The following RFX5 variants were observed in gnomAD, a reference collection of about 807,000 sequenced individuals.
RFX5 encodes DNA-binding protein RFX5.
A neutral mutation model predicts 41.2 loss-of-function variants in RFX5; 30 were observed. That is an observed-to-expected ratio of 0.73 (90% confidence interval 0.54 to 0.99). RFX5 has a LOEUF of 0.99. Among genes scored for constraint, RFX5 ranks in the 50% least tolerant of loss-of-function variants. RFX5 has a pLI of 0.00. For missense variants in RFX5, 715 were observed against 773.6 expected (o/e 0.92, Z 0.90); for synonymous variants, 231 against 291.8 (o/e 0.79, Z 2.12).
chr1:151,347,061 C>T (rs1013584857), intron 1 of RFX5, 150 bp downstream of exon 1: 1 of 152,640 alleles, frequency 6.6e-6, no homozygotes, highest in African/African-American at 2.4e-5. Flanking sequence ...GTCCCAGATT[C>T]CGGGCACGTG....
At position 151,342,279 on chromosome 1, in the gene RFX5, G is replaced by C; in HGVS notation, c.1758C>G (p.Asp586Glu). The change falls in exon 11 of 11, where the codon GAC becomes GAG. Residue 586 changes from aspartate to glutamate, a missense_variant. Transcript: ENST00000452671. Reference protein sequence around the residue: ...EAFPLAKGEVDTAPQGNKDLK... With the variant: ...EAFPLAKGEVETAPQGNKDLK... ...AGTCTTTATTACCCTGTGGTGCAGT[G>C]TCTACCTCTCCCTTTGCCAAAGGAA... The C allele has an allele frequency of 6.2e-7, 1 of 1,614,150 alleles. No homozygotes were observed. The highest frequency in any genetic ancestry group is 8.5e-7 in the Non-Finnish European group (1 of 1,180,014).
rs752256174 is a variant in RFX5 at position 151,344,454 on chromosome 1, T to G, written c.436A>C (p.Ile146Leu). The stretch of plus-strand genomic sequence containing the variant: ...CGGCCACCAAGCCTTCGAGCTTTGA[T>G]GTCAGGGAAGATCTCTCTGATGATC... ...GKIIREIFPD[I>L]KARRLGGRGQ... The change falls in exon 7 of 11, where the codon ATC (isoleucine) becomes CTC (leucine). Residue 146 changes from isoleucine to leucine, a missense_variant. Ile to Leu is a conservative substitution (Grantham distance 5). Transcript: ENST00000452671. The G allele has an allele frequency of 3.7e-6, 6 of 1,614,210 alleles. No individual in the cohort carries two copies. The Admixed American group carries it at 1.0e-4, about 27-fold the overall frequency.
chr1:151,343,933 GC>G, intron 8 of RFX5, 51 bp from the exon 9 acceptor site: 1 of 1,584,306 alleles, frequency 6.3e-7, no homozygotes, highest in Non-Finnish European at 8.6e-7. Context: ...AAGAACCCTT[GC>G]CTCCTCTCTT....
At position 151,346,167 on chromosome 1, in the gene RFX5, G is replaced by A. The variant is rs1651035559; in HGVS notation, c.116+38C>T. ...GAAGTGCTGCAGGGATCTATACTCAGGTCTTGGACAGGACTTGGAGATGTG... is the reference window on the plus strand; with the variant it reads ...GAAGTGCTGCAGGGATCTATACTCAAGTCTTGGACAGGACTTGGAGATGTG... On this transcript the variant is annotated intron_variant, in intron 3 of 10. Transcript: ENST00000452671. The A allele has an allele frequency of 4.4e-6, 7 of 1,593,490 alleles. No homozygotes were observed. The African/African-American group carries it at 6.7e-5, about 15-fold the overall frequency.
chr1:151,345,389 C>A, intron 4 of RFX5: 1 of 504,182 alleles, frequency 2.0e-6, no homozygotes, highest in African/African-American at 1.9e-5. Context: ...GCAGGCTGAT[C>A]ACAAGGTCAG....
rs761293825 is a variant in RFX5 at position 151,342,897 on chromosome 1, G to A, written c.1140C>T (p.Ile380=). 6.2e-7 allele frequency: 1 copy of A among 1,614,220 alleles called. No individual in the cohort carries two copies. The highest frequency in any genetic ancestry group is 1.3e-5 in the African/African-American group (1 of 75,064). The part of the protein sequence containing the change: ...RAGAPPAAVP[I]INMILPTVPA... The stretch of plus-strand genomic sequence containing the variant: ...GAACAGTTGGTAAGATCATGTTAAT[G>A]ATGGGCACAGCTGCTGGGGGTGCCC... Residue 380 remains isoleucine, a synonymous_variant, in exon 11 of 11, where the codon ATC becomes ATT. Coordinates refer to ENST00000452671, the MANE Select transcript of RFX5 (RefSeq NM_001025603.2).
chr1:151,346,031 G>T, intron 3 of RFX5, 70 bp from the exon 4 acceptor site: 1 of 1,610,940 alleles, frequency 6.2e-7, no homozygotes, highest in Non-Finnish European at 8.5e-7. Flanking sequence ...GACTGCTAGG[G>T]AGGGAAAAGG....
At position 151,343,012 on chromosome 1, in the gene RFX5, G is replaced by A; in HGVS notation, c.1025C>T (p.Pro342Leu). 2 of 1,613,832 alleles carry A rather than the reference G, an allele frequency of 1.2e-6. No homozygotes were observed. The highest frequency in any genetic ancestry group is 1.7e-6 in the Non-Finnish European group (2 of 1,179,836). ...LLPRAPRSLIPPIPVSPPILA... is the reference protein window; with the variant it reads ...LLPRAPRSLILPIPVSPPILA... The stretch of plus-strand genomic sequence containing the variant: ...AATAGGTGGAGAGACTGGGATTGGC[G>A]GAATTAGTGAGCGAGGGGCCCGGGG... Residue 342 changes from proline to leucine, a missense_variant, in exon 11 of 11, where the codon CCG becomes CTG. By Grantham distance (98) the Pro-to-Leu change is moderately conservative. Transcript: ENST00000452671.
intron 1 of RFX5, 80 bp from the exon 2 acceptor site, chr1:151,346,686 T>A: frequency 3.8e-6 from 1 of 264,404 alleles, no homozygotes; most frequent in South Asian, 4.1e-5. Flanking sequence ...CATACTGCCC[T>A]CCTCCCCCTC....
At chr1:151,345,662 G>A (rs1187582417) in intron 4 of RFX5, among the ~76,000 whole-genome samples, 1 of 151,864 alleles carries the variant, frequency 6.6e-6, no homozygotes, top group Non-Finnish European at 1.5e-5. Context: ...GTGCTCTGAG[G>A]AGCCCTATAG....
At position 151,343,956 on chromosome 1, in the gene RFX5, A is replaced by G. The variant is rs1650760326; in HGVS notation, c.556-74T>C. On this transcript the variant is annotated intron_variant, in intron 8 of 10. Coordinates refer to ENST00000452671, the MANE Select transcript of RFX5 (RefSeq NM_001025603.2). ...TTGCCTCCTCTCTTGTCAGAGATCA[A>G]AGACTATTGACCAAAGCTGAGACCA... 4 of 1,520,286 alleles carry G rather than the reference A, an allele frequency of 2.6e-6. No individual in the cohort carries two copies. The East Asian group carries it at 6.9e-5, about 26-fold the overall frequency. 94.2% of individuals were successfully genotyped at this position (1,520,286 alleles called of 1,614,324 possible).
At position 151,342,710 on chromosome 1, in the gene RFX5, C is replaced by T. The variant is rs1180067492; in HGVS notation, c.1327G>A (p.Gly443Arg). The change falls in exon 11 of 11, where the codon GGG (glycine) becomes AGG (arginine). Residue 443 changes from glycine to arginine, a missense_variant. Coordinates refer to ENST00000452671, the MANE Select transcript of RFX5 (RefSeq NM_001025603.2). ...TAEVPVSEAS[G>R]QAPPAKAAKQ... is the part of the protein sequence containing the mutation. ...GCTGCTTTAGCTGGTGGAGCCTGCC[C>T]ACTGGCCTCACTCACAGGTACTTCA... The T allele has an allele frequency of 6.2e-7, 1 of 1,614,228 alleles. No homozygotes were observed. The highest frequency in any genetic ancestry group is 1.7e-5 in the Admixed American group (1 of 60,020).
At position 151,343,046 on chromosome 1, in the gene RFX5, G is replaced by A; in HGVS notation, c.991C>T (p.Leu331=). The A allele has an allele frequency of 6.2e-7, 1 of 1,612,742 alleles. No homozygotes were observed. The highest frequency in any genetic ancestry group is 2.2e-5 in the East Asian group (1 of 44,888). ...GAGCGAGGGGCCCGGGGAAGGAGCA[G>A]AGGCAGCCGAGCCACTAGGGCATTA... ...QVNALVARLP[L]LLPRAPRSLI... Residue 331 remains leucine, a synonymous_variant, in exon 11 of 11, where the codon CTG becomes TTG. Transcript: ENST00000452671.
In RFX5 at chr1:151,343,052, G is replaced by A. The variant is rs1650634324; in HGVS notation, c.985C>T (p.Leu329=). 5.6e-6 allele frequency: 9 copies of A among 1,612,496 alleles called. No individual in the cohort carries two copies. The highest frequency in any genetic ancestry group is 7.6e-6 in the Non-Finnish European group (9 of 1,179,914). ...NLQVNALVAR[L]PLLLPRAPRS... ...GGGGCCCGGGGAAGGAGCAGAGGCAGCCGAGCCACTAGGGCATTAACCTGC... is the reference window on the plus strand; with the variant it reads ...GGGGCCCGGGGAAGGAGCAGAGGCAACCGAGCCACTAGGGCATTAACCTGC... The change falls in exon 11 of 11, where the codon CTG becomes TTG. Residue 329 remains leucine (L), a synonymous_variant. Transcript: ENST00000452671.
rs895020144 is a variant in RFX5, at chr1:151,345,350, C to T, written c.151-162G>A. The stretch of plus-strand genomic sequence containing the variant: ...CAAGGCCGGGCACGGTGGCTCACGC[C>T]TACAATCCCAGCACTTTGGAAGGCC... On this transcript the variant is annotated intron_variant, in intron 4 of 10. Coordinates refer to ENST00000452671, the MANE Select transcript of RFX5 (RefSeq NM_001025603.2). 5.0e-6 allele frequency: 3 copies of T among 605,860 alleles called. No homozygotes were observed. The African/African-American group carries it at 5.5e-5, about 11-fold the overall frequency. 37.5% of individuals were successfully genotyped at this position (605,860 alleles called of 1,614,324 possible). A position where few individuals can be genotyped will look rare whatever the true frequency, so the allele number is the denominator to read the frequency against.
chr1:151,342,401 G>A lies in RFX5; in HGVS notation c.1636C>T (p.Pro546Ser), dbSNP rs749125621. Residue 546 changes from proline to serine, a missense_variant, in exon 11 of 11, where the codon CCC becomes TCC. By Grantham distance (74) the Pro-to-Ser change is moderately conservative. Transcript: ENST00000452671. The part of the protein sequence containing the change: ...DGTVSKGGRG[P>S]GSQHTKEAED... ...GCTTCTTTGGTATGCTGGGAACCGGGGCCCCTTCCTCCTTTGGAAACAGTA... is the reference window on the plus strand; with the variant it reads ...GCTTCTTTGGTATGCTGGGAACCGGAGCCCCTTCCTCCTTTGGAAACAGTA... The A allele has an allele frequency of 9.9e-6, 16 of 1,614,122 alleles. 1 individual carries two copies. In the South Asian group the frequency reaches 1.8e-4, roughly 18 times the overall value.
chr1:151,343,153 G>A lies in RFX5; in HGVS notation c.884C>T (p.Thr295Ile), dbSNP rs367615574. 38 of 1,611,378 alleles carry A rather than the reference G, an allele frequency of 2.4e-5. No individual in the cohort carries two copies. Among genetic ancestry groups the A allele is most frequent in the Middle Eastern group, 2.1e-4 (1 of 4,708 alleles). ...AQPPKDLEARTGAGPLARGER... is the reference protein window; with the variant it reads ...AQPPKDLEARIGAGPLARGER... ...TCCACGTGCGAGAGGACCGGCCCCA[G>A]TTCGGGCTTCCAGATCCTTAGGAGG... is the stretch of plus-strand genomic sequence containing the variant. Residue 295 changes from threonine to isoleucine, a missense_variant, in exon 11 of 11, where the codon ACT (threonine) becomes ATT (isoleucine). Physicochemically the swap from Thr to Ile is moderately conservative, Grantham distance 89. Coordinates refer to ENST00000452671, the MANE Select transcript of RFX5 (RefSeq NM_001025603.2).
In RFX5 at chr1:151,345,919, C is replaced by A; in HGVS notation, c.150+9G>T. 6.2e-7 allele frequency: 1 copy of A among 1,614,170 alleles called. No individual in the cohort carries two copies. The highest frequency in any genetic ancestry group is 8.5e-7 in the Non-Finnish European group (1 of 1,180,010). On this transcript the variant is annotated intron_variant, in intron 4 of 10. Transcript: ENST00000452671. ...ATCCCTCTCTTGCCCTCTTCCCCAA[C>A]ACACTTACCAGGATCCCCTCTACTT...
Position 151,343,829 on chromosome 1 carries a change from T to C in RFX5, c.609A>G (p.Ala203=). The change falls in exon 9 of 11, where the codon GCA becomes GCG. Residue 203 remains alanine (A), a synonymous_variant. Transcript: ENST00000452671. ...TPAPRDELVE[A]ACALTCDWAE... ...CCCAGTCACAGGTCAGGGCACACGC[T>C]GCCTCCACCAGTTCATCTCGAGGTG... 6.2e-7 allele frequency: 1 copy of C among 1,614,166 alleles called. No individual in the cohort carries two copies. The highest frequency in any genetic ancestry group is 8.5e-7 in the Non-Finnish European group (1 of 1,180,042).
Sources: allele counts gnomAD v4.1 joint callset (sites outside exome capture counted in the v4.1 genomes callset), GRCh38; gene constraint gnomAD v4.1.1; transcripts MANE v1.5; gene names NCBI Gene and HGNC (gene_info 2026-07-23, HGNC 2026-07-21).